RTL4: variants seen among roughly 807,000 people sequenced by gnomAD.
RTL4 encodes retrotransposon Gag-like protein 4.
Under a neutral mutation model 5.3 loss-of-function variants are expected in RTL4, and 4 were observed. The observed-to-expected ratio is 0.75, with a 90% CI of 0.37 to 1.72. RTL4 has a LOEUF of 1.72. Among genes scored for constraint, RTL4 ranks in the 40% most tolerant of loss-of-function variants. RTL4 has a pLI of 0.04. For missense variants in RTL4, 260 were observed against 227.1 expected (o/e 1.14, Z -0.93); for synonymous variants, 98 against 87.3 (o/e 1.12, Z -0.68).
the RTL4 span, among the ~76,000 whole-genome samples, chrX:112,347,089 A>G: frequency 3.6e-5 from 4 of 111,861 alleles, no homozygotes; most frequent in Non-Finnish European, 7.5e-5. Context: ...GCCATTTACT[A>G]GTTATGTGAC....
chrX:112,287,245 C>A, the RTL4 span, among the ~76,000 whole-genome samples: 1 of 111,241 alleles, frequency 9.0e-6, no homozygotes, highest in Admixed American at 9.6e-5. Flanking sequence ...TTATTAAATA[C>A]CTTAAAGCAC....
chrX:112,132,766 G>T, the RTL4 span, among the ~76,000 whole-genome samples: 96 of 112,249 alleles, frequency 8.6e-4, no homozygotes, highest in African/African-American at 2.9e-3. Context: ...TCTATGAAAA[G>T]TTTTATGTAA....
At chrX:112,136,287 C>T in the RTL4 span, among the ~76,000 whole-genome samples, 88 of 111,380 alleles carry the variant, frequency 7.9e-4, no homozygotes, top group Admixed American at 8.6e-4. Flanking sequence ...GATAATTGTC[C>T]TTCTTACTTT....
chrX:112,226,218 AT>A, the RTL4 span, among the ~76,000 whole-genome samples: 555 of 111,875 alleles, frequency 5.0e-3, 3 homozygotes, highest in African/African-American at 0.017. Flanking sequence ...CCAAAGCTGC[AT>A]TTTTCAGCCT....
the RTL4 span, among the ~76,000 whole-genome samples, chrX:112,158,494 ATG>A: frequency 9.1e-6 from 1 of 109,494 alleles, no homozygotes; most frequent in Non-Finnish European, 1.9e-5. Flanking sequence ...CATTATATAT[ATG>A]TGTGTGTACA....
chrX:112,115,885 G>T, the RTL4 span, among the ~76,000 whole-genome samples: 1 of 112,618 alleles, frequency 8.9e-6, no homozygotes, highest in Admixed American at 9.4e-5. Context: ...AGGTAGGATA[G>T]ATGGGCGAGT....
At chrX:112,416,654 G>C in the RTL4 span, among the ~76,000 whole-genome samples, 1 of 112,296 alleles carries the variant, frequency 8.9e-6, no homozygotes, top group East Asian at 2.8e-4. Context: ...AATCAGGCAA[G>C]GCTTAGGTTG....
chrX:112,364,778 G>T, the RTL4 span, among the ~76,000 whole-genome samples: 2 of 111,832 alleles, frequency 1.8e-5, no homozygotes, highest in Non-Finnish European at 3.8e-5. Context: ...AATGAACTAG[G>T]TTAAACAAAG....
At chrX:112,404,605 C>G in the RTL4 span, among the ~76,000 whole-genome samples, 1 of 112,418 alleles carries the variant, frequency 8.9e-6, no homozygotes, top group Non-Finnish European at 1.9e-5. Context: ...AAGTACTAAC[C>G]TGGTATTGTT....
the RTL4 span, among the ~76,000 whole-genome samples, chrX:112,286,317 G>T: frequency 5.4e-5 from 6 of 111,857 alleles, no homozygotes; most frequent in African/African-American, 1.9e-4. Flanking sequence ...TTAGGAAATG[G>T]GTTAGAGAGG....
At chrX:112,303,655 C>T in the RTL4 span, among the ~76,000 whole-genome samples, 4 of 90,585 alleles carry the variant, frequency 4.4e-5, no homozygotes, top group African/African-American at 1.3e-4. Context: ...ATACCTAATG[C>T]TAAATGATGA....
At chrX:112,394,432 C>T in the RTL4 span, among the ~76,000 whole-genome samples, 1 of 111,055 alleles carries the variant, frequency 9.0e-6, no homozygotes, top group East Asian at 2.8e-4. Flanking sequence ...TCTGACTGTA[C>T]GTTTTTTATG....
At chrX:112,137,749 G>T in the RTL4 span, among the ~76,000 whole-genome samples, 647 of 111,502 alleles carry the variant, frequency 5.8e-3, 5 homozygotes, top group African/African-American at 0.02. Context: ...AAGATAACAA[G>T]TGTTAGCAAG....
At position 112,455,546 on chromosome X, in the gene RTL4, G is replaced by T; in HGVS notation, c.818G>T (p.Arg273Leu). 1.7e-6 allele frequency: 2 copies of T among 1,211,405 alleles called. No individual in the cohort carries two copies. The highest frequency in any genetic ancestry group is 2.2e-6 in the Non-Finnish European group (2 of 895,436). ...CCTCTCACCCCAGCCAAACGAGCCC[G>T]CCAGCAAGAAACTCAGTTGTGCCTC... Residue 273 changes from arginine to leucine, a missense_variant, in exon 1 of 1, where the codon CGC becomes CTC. Physicochemically the swap from Arg to Leu is moderately radical, Grantham distance 102. Transcript: ENST00000340433.
chrX:112,221,287 C>G, the RTL4 span, among the ~76,000 whole-genome samples: 27 of 111,584 alleles, frequency 2.4e-4, no homozygotes, highest in Non-Finnish European at 4.5e-4. Flanking sequence ...GGGAAACTGC[C>G]CACATGATCC....
the RTL4 span, among the ~76,000 whole-genome samples, chrX:112,155,521 G>A: frequency 2.7e-5 from 3 of 111,110 alleles, 1 homozygote; most frequent in Admixed American, 2.9e-4. Flanking sequence ...GTTGTTTTGG[G>A]AGGTGCTAAA....
the RTL4 span, among the ~76,000 whole-genome samples, chrX:112,206,856 T>C: frequency 8.9e-6 from 1 of 111,810 alleles, no homozygotes; most frequent in African/African-American, 3.3e-5. Context: ...GTCAAATGTA[T>C]CTGTTCATTA....
the RTL4 span, among the ~76,000 whole-genome samples, chrX:112,140,553 C>T: frequency 9.0e-6 from 1 of 111,424 alleles, no homozygotes; most frequent in African/African-American, 3.3e-5. Flanking sequence ...AGGGCTTGCT[C>T]TGCCTTACAG....
chrX:112,115,244 G>A, the RTL4 span, among the ~76,000 whole-genome samples: 1 of 111,312 alleles, frequency 9.0e-6, no homozygotes, highest in Non-Finnish European at 1.9e-5. Flanking sequence ...GAGGAAGGTC[G>A]GATTTAGTGG....
Sources: gnomAD v4.1 joint callset for allele counts (sites outside exome capture counted in the v4.1 genomes callset) on GRCh38, gnomAD v4.1.1 for gene constraint, MANE v1.5 for transcripts, NCBI Gene and HGNC (gene_info 2026-07-23, HGNC 2026-07-21) for gene names.